The following FLYWCH1 variants were observed in gnomAD, a reference collection of about 807,000 sequenced individuals.
FLYWCH1 encodes the protein FLYWCH-type zinc finger 1.
A neutral mutation model predicts 66.4 loss-of-function variants in FLYWCH1; 75 were observed. That is an observed-to-expected ratio of 1.13 (90% CI 0.94 to 1.37). FLYWCH1 has a LOEUF of 1.37. Among genes scored for constraint, FLYWCH1 ranks in the 40% most tolerant of loss-of-function variants. The probability of loss-of-function intolerance (pLI) is 0.00; values close to 1 mark genes in which losing one functional copy is unlikely to be tolerated. For missense variants in FLYWCH1, 1,334 were observed against 1,001.8 expected (o/e 1.33, Z -4.48); for synonymous variants, 595 against 429.9 (o/e 1.38, Z -4.75).
At chr16:2,913,893 G>A (rs988801837) in intron 1 of FLYWCH1, among the ~76,000 whole-genome samples, 19 of 152,006 alleles carry the variant, frequency 1.2e-4, no homozygotes, top group Non-Finnish European at 2.6e-4. Flanking sequence ...TGGTGGGGGC[G>A]AGGGGCAGGT....
intron 9 of FLYWCH1, among the ~76,000 whole-genome samples, chr16:2,940,325 C>T (rs2071208887): frequency 1.3e-5 from 2 of 152,194 alleles, no homozygotes; most frequent in Non-Finnish European, 2.9e-5. Context: ...CCTCCTTGGG[C>T]CCACTTGAGC....
At chr16:2,934,004 G>A in intron 6 of FLYWCH1, 25 bp downstream of exon 6, 2 of 1,498,104 alleles carry the variant, frequency 1.3e-6, no homozygotes, top group Non-Finnish European at 1.8e-6. Context: ...GCTGGGAGCT[G>A]GGCCCCAGGA....
chr16:2,913,762 T>C (rs1288987135), intron 1 of FLYWCH1, among the ~76,000 whole-genome samples: 1 of 152,164 alleles, frequency 6.6e-6, no homozygotes, highest in Non-Finnish European at 1.5e-5. Flanking sequence ...GATGTCACCA[T>C]AGTGGTTCAT....
intron 9 of FLYWCH1, among the ~76,000 whole-genome samples, chr16:2,940,947 A>G (rs903928919): frequency 1.3e-5 from 2 of 152,102 alleles, no homozygotes; most frequent in Non-Finnish European, 2.9e-5. Context: ...CCTGGCCAAC[A>G]TGGTGAAACC....
intron 2 of FLYWCH1, among the ~76,000 whole-genome samples, chr16:2,914,728 G>A (rs2070107598): frequency 6.6e-6 from 1 of 151,952 alleles, no homozygotes; most frequent in Non-Finnish European, 1.5e-5. Context: ...GTGAAACCCT[G>A]TCTATACTAA....
chr16:2,945,405 G>C (rs1293475824), intron 9 of FLYWCH1, among the ~76,000 whole-genome samples: 2 of 148,220 alleles, frequency 1.3e-5, no homozygotes, highest in Non-Finnish European at 3.0e-5. Flanking sequence ...AGAATTGCTT[G>C]AACCAGGGAG....
chr16:2,943,704 G>C (rs1384892754), intron 9 of FLYWCH1: 1 of 152,214 alleles, frequency 6.6e-6, no homozygotes, highest in Non-Finnish European at 1.5e-5. Context: ...GGGAGGCCGA[G>C]GTGGGCGGAT....
At chr16:2,934,465 T>A (rs1257593506) in intron 6 of FLYWCH1, 1 of 355,432 alleles carries the variant, frequency 2.8e-6, no homozygotes, top group Non-Finnish European at 5.6e-6. Flanking sequence ...GTCCCGGCTG[T>A]CTCCATCTTT....
intron 2 of FLYWCH1, among the ~76,000 whole-genome samples, chr16:2,924,247 G>A (rs895877539): frequency 4.0e-5 from 6 of 151,832 alleles, no homozygotes; most frequent in African/African-American, 9.7e-5. Flanking sequence ...GGAGAATGGC[G>A]TGAACCCGGG....
chr16:2,939,807 C>T, intron 8 of FLYWCH1: 1 of 440,038 alleles, frequency 2.3e-6, no homozygotes, highest in Non-Finnish European at 4.1e-6. Flanking sequence ...TCTAGTTGAC[C>T]CCCACTATTT....
intron 2 of FLYWCH1, among the ~76,000 whole-genome samples, chr16:2,918,776 A>G (rs1302706902): frequency 6.6e-6 from 1 of 152,106 alleles, no homozygotes; most frequent in Non-Finnish European, 1.5e-5. Context: ...GTAAAATAAA[A>G]TTCGCCAATG....
rs574076579 is a variant in FLYWCH1, at chr16:2,947,235, G to GT, written c.2112-1452dup. ...AAGCCAGTCACAAAGCACACAGAGTGTATGTAATTCTGTTCTTACGAAATG... is the reference window on the plus strand; with the variant it reads ...AAGCCAGTCACAAAGCACACAGAGTGTTATGTAATTCTGTTCTTACGAAATG... On this transcript the variant is annotated intron_variant, in intron 9 of 9. Coordinates refer to ENST00000253928, the MANE Select transcript of FLYWCH1 (RefSeq NM_001308068.2). Among the ~76,000 whole-genome samples the GT allele has an allele frequency of 4.6e-3, 701 of 152,288 alleles. 6 individuals are homozygous for GT. The highest frequency in any genetic ancestry group is 0.016 in the African/African-American group (661 of 41,548).
intron 2 of FLYWCH1, among the ~76,000 whole-genome samples, chr16:2,919,347 C>T (rs911345242): frequency 2.6e-5 from 4 of 151,382 alleles, no homozygotes; most frequent in Non-Finnish European, 5.9e-5. Context: ...CTCACTGCAA[C>T]CTCTGCCCCC....
chr16:2,945,792 T>A (rs1457791950), intron 9 of FLYWCH1, among the ~76,000 whole-genome samples: 2 of 152,070 alleles, frequency 1.3e-5, no homozygotes, highest in African/African-American at 4.8e-5. Context: ...GATCAGGAGA[T>A]CAAGACCATC....
chr16:2,933,595 CCTTTGGGGCTCACCGGCCCTGCCTTGA>C lies in FLYWCH1; in HGVS notation c.1249+16_1249+42del. On this transcript the variant is annotated intron_variant, in intron 5 of 9. Coordinates refer to ENST00000253928, the MANE Select transcript of FLYWCH1 (RefSeq NM_001308068.2). ...GACGCAGACCCGGGTGAGCTGCCTTCCTTTGGGGCTCACCGGCCCTGCCTTGACTCTTGCCTCCAGAGGTCCAGGGAG... is the reference window on the plus strand; with the variant it reads ...GACGCAGACCCGGGTGAGCTGCCTTCCTCTTGCCTCCAGAGGTCCAGGGAG... 1 of 1,576,320 alleles carries C rather than the reference CCTTTGGGGCTCACCGGCCCTGCCTTGA, an allele frequency of 6.3e-7. No homozygotes were observed. The highest frequency in any genetic ancestry group is 8.6e-7 in the Non-Finnish European group (1 of 1,161,072).
At chr16:2,925,667 C>G (rs979816513) in intron 2 of FLYWCH1, among the ~76,000 whole-genome samples, 18 of 152,072 alleles carry the variant, frequency 1.2e-4, no homozygotes, top group Middle Eastern at 3.4e-3. Context: ...CTGGGGTTGC[C>G]CCTGCACCTC....
rs79973978 is a variant in FLYWCH1 at position 2,948,413 on chromosome 16, A to G, written c.2112-275A>G. Among the ~76,000 whole-genome samples, 1,106 of 151,980 alleles carry G rather than the reference A, an allele frequency of 7.3e-3. 14 individuals carry two copies. Among genetic ancestry groups the G allele is most frequent in the African/African-American group, 0.026 (1,059 of 41,418 alleles). On this transcript the variant is annotated intron_variant, in intron 9 of 9. Transcript: ENST00000253928. Reference sequence around the variant, plus strand: ...GTCTCTAATAAAATACAAAAAAAAAATTAGCTGAGCATGATGGCATGCACC... The same window carrying G: ...GTCTCTAATAAAATACAAAAAAAAAGTTAGCTGAGCATGATGGCATGCACC...
chr16:2,921,052 CGGAT>C (rs1190047299), intron 2 of FLYWCH1, among the ~76,000 whole-genome samples: 1 of 151,220 alleles, frequency 6.6e-6, no homozygotes, highest in Admixed American at 6.6e-5. Context: ...TGTGTTAGCC[CGGAT>C]GGTCTCGATC....
intron 6 of FLYWCH1, chr16:2,936,451 C>A: frequency 2.2e-6 from 1 of 448,024 alleles, no homozygotes; most frequent in East Asian, 7.0e-5. Context: ...GACACCCTCC[C>A]GCCCCCCGCT....
Sources: gnomAD v4.1 joint callset for allele counts (sites outside exome capture counted in the v4.1 genomes callset) on GRCh38, gnomAD v4.1.1 for gene constraint, MANE v1.5 for transcripts, NCBI Gene and HGNC (gene_info 2026-07-23, HGNC 2026-07-21) for gene names.